Variants in SLC25A16 observed in about 807,000 individuals in gnomAD.
SLC25A16 encodes solute carrier family 25 member 16, also known as mitochondrial coenzyme A transporter SLC25A16.
SLC25A16 carries 39 observed loss-of-function variants against 41.5 expected under a neutral mutation model. The ratio of observed to expected loss-of-function variants is 0.94; its 90% CI spans 0.73 to 1.23. SLC25A16 has a LOEUF of 1.23. SLC25A16 is among the 50% of genes most tolerant of loss of function. The pLI, the probability that SLC25A16 is intolerant of heterozygous loss-of-function variation, is 0.00. For missense variants in SLC25A16, 421 were observed against 426.9 expected (o/e 0.99, Z 0.12); for synonymous variants, 146 against 147.8 (o/e 0.99, Z 0.09).
intron 1 of SLC25A16, among the ~76,000 whole-genome samples, chr10:68,522,814 CAAAAAAAAAAAAA>C (rs58143466): frequency 1.5e-5 from 1 of 65,468 alleles, no homozygotes; most frequent in Non-Finnish European, 2.8e-5. Flanking sequence ...GATTCCTTCT[CAAAAAAAAAAAAA>C]AAAAAAAAAA....
intron 1 of SLC25A16, among the ~76,000 whole-genome samples, chr10:68,525,293 G>T (rs760755916): frequency 1.3e-5 from 2 of 151,976 alleles, no homozygotes; most frequent in East Asian, 3.9e-4. Context: ...GTGCCACCAC[G>T]CCTGACAAAT....
intron 2 of SLC25A16, among the ~76,000 whole-genome samples, chr10:68,507,200 G>A (rs1296058386): frequency 6.7e-6 from 1 of 150,224 alleles, no homozygotes; most frequent in Non-Finnish European, 1.5e-5. Flanking sequence ...AGCCTCCCAA[G>A]TAGCTGGGAT....
At chr10:68,503,116 AT>A (rs967619993) in intron 4 of SLC25A16, 1 of 152,268 alleles carries the variant, frequency 6.6e-6, no homozygotes, top group Non-Finnish European at 1.5e-5. Flanking sequence ...ATTCGTTACA[AT>A]TTTTTTAAAG....
At chr10:68,510,158 TATAA>T (rs1239154342) in intron 2 of SLC25A16, among the ~76,000 whole-genome samples, 1 of 152,126 alleles carries the variant, frequency 6.6e-6, no homozygotes, top group Non-Finnish European at 1.5e-5. Context: ...TGACACTTTT[TATAA>T]AAAGTCGGAG....
intron 4 of SLC25A16, chr10:68,499,884 TC>T: frequency 1.8e-6 from 1 of 566,036 alleles, no homozygotes; most frequent in Non-Finnish European, 3.4e-6. Flanking sequence ...GCAAAAAGAT[TC>T]CTGAACAGAA....
intron 8 of SLC25A16, among the ~76,000 whole-genome samples, chr10:68,483,956 G>A (rs773240315): frequency 6.6e-6 from 1 of 152,056 alleles, no homozygotes; most frequent in Non-Finnish European, 1.5e-5. Flanking sequence ...AAGCCACCTC[G>A]CTCGGCCCAT....
At chr10:68,502,694 T>C (rs978314988) in intron 4 of SLC25A16, among the ~76,000 whole-genome samples, 1 of 136,944 alleles carries the variant, frequency 7.3e-6, no homozygotes, top group Non-Finnish European at 1.5e-5. Flanking sequence ...ATCACGCCAC[T>C]GCACTCCAAG....
Position 68,478,242 on chromosome 10 carries a change from A to G in SLC25A16, c.*5190T>C, listed in dbSNP as rs1208545924. 1 of 152,198 alleles carries G rather than the reference A, an allele frequency of 6.6e-6. No individual in the cohort carries two copies. Among genetic ancestry groups the G allele is most frequent in the African/African-American group, 2.4e-5 (1 of 41,458 alleles). 9.4% of individuals were successfully genotyped at this position (152,198 alleles called of 1,614,324 possible). On this transcript the variant is annotated 3_prime_UTR_variant, in exon 9 of 9. Coordinates refer to ENST00000609923, the MANE Select transcript of SLC25A16 (RefSeq NM_152707.4). ...AGAAATATTAAATGGTACTTATATC[A>G]TAGTATTGTAATGGAGATTGAGCTA...
rs1331453146 is a variant in SLC25A16 at position 68,492,807 on chromosome 10, A to G, written c.610+325T>C. Among the ~76,000 whole-genome samples, 4 of 151,914 alleles carry G rather than the reference A, an allele frequency of 2.6e-5. No individual in the cohort carries two copies. In the South Asian group the frequency reaches 8.6e-4, roughly 33 times the overall value. Reference sequence around the variant, plus strand: ...AAAATTTGCCATGTCTTCATTATTTATAATGAGACAAAAACCACTTTTCAA... The same window carrying G: ...AAAATTTGCCATGTCTTCATTATTTGTAATGAGACAAAAACCACTTTTCAA... On this transcript the variant is annotated intron_variant, in intron 6 of 8. Transcript: ENST00000609923.
chr10:68,511,090 T>C (rs1044309150), intron 2 of SLC25A16, among the ~76,000 whole-genome samples: 2 of 151,646 alleles, frequency 1.3e-5, no homozygotes, highest in East Asian at 3.9e-4. Flanking sequence ...TACTAAAAAT[T>C]AGCGGGGCTT....
chr10:68,509,548 C>A (rs757111296), intron 2 of SLC25A16, among the ~76,000 whole-genome samples: 1 of 151,692 alleles, frequency 6.6e-6, no homozygotes, highest in Non-Finnish European at 1.5e-5. Flanking sequence ...GACACCATCT[C>A]TACAAAAAAA....
intron 2 of SLC25A16, among the ~76,000 whole-genome samples, chr10:68,511,385 A>G (rs2053060608): frequency 6.6e-6 from 1 of 152,236 alleles, no homozygotes; most frequent in Non-Finnish European, 1.5e-5. Flanking sequence ...TCCAAATTTT[A>G]TATGCCTTGT....
At chr10:68,519,399 T>C (rs1167316522) in intron 1 of SLC25A16, among the ~76,000 whole-genome samples, 2 of 151,290 alleles carry the variant, frequency 1.3e-5, no homozygotes, top group African/African-American at 4.9e-5. Context: ...AGGCAGAGAA[T>C]TGCCTGAACC....
At chr10:68,503,833 C>T in intron 3 of SLC25A16, 138 bp from the exon 4 acceptor site, 2 of 644,464 alleles carry the variant, frequency 3.1e-6, no homozygotes, top group Non-Finnish European at 5.6e-6. Context: ...GAAATGAGCA[C>T]AATTAAATAC....
At chr10:68,507,159 G>A (rs1026992194) in intron 2 of SLC25A16, among the ~76,000 whole-genome samples, 2 of 137,332 alleles carry the variant, frequency 1.5e-5, no homozygotes, top group African/African-American at 5.5e-5. Flanking sequence ...TGCAACCTCC[G>A]CCTCCCAGGT....
intron 4 of SLC25A16, among the ~76,000 whole-genome samples, chr10:68,498,200 T>C (rs570783010): frequency 6.6e-6 from 1 of 152,294 alleles, no homozygotes; most frequent in African/African-American, 2.4e-5. Flanking sequence ...ATTCCAATTT[T>C]CAAAAATTCA....
At chr10:68,485,798 ATTT>A (rs574917604) in intron 8 of SLC25A16, among the ~76,000 whole-genome samples, 5 of 123,228 alleles carry the variant, frequency 4.1e-5, no homozygotes, top group Admixed American at 8.2e-5. Context: ...CCTAAGCAAT[ATTT>A]TTTTTTTTTT....
chr10:68,495,384 C>T (rs1252718461), intron 4 of SLC25A16, among the ~76,000 whole-genome samples: 2 of 152,032 alleles, frequency 1.3e-5, no homozygotes, highest in East Asian at 1.9e-4. Flanking sequence ...CACTGCACTC[C>T]AGCCTGGGTG....
In SLC25A16 at chr10:68,488,449, G is replaced by A. The variant is rs1164618304; in HGVS notation, c.773+18C>T. On this transcript the variant is annotated intron_variant, in intron 7 of 8. Transcript: ENST00000609923. Reference sequence around the variant, plus strand: ...GGTAACTATAATTTGATTAAATTAAGTTAGTGAAGAAACTTACGATATTGT... The same window carrying A: ...GGTAACTATAATTTGATTAAATTAAATTAGTGAAGAAACTTACGATATTGT... 6.8e-7 allele frequency: 1 copy of A among 1,463,552 alleles called. No individual in the cohort carries two copies. Among genetic ancestry groups the A allele is most frequent in the Non-Finnish European group, 9.1e-7 (1 of 1,103,958 alleles). 90.7% of individuals were successfully genotyped at this position (1,463,552 alleles called of 1,614,324 possible).
Sources: allele counts gnomAD v4.1 joint callset (sites outside exome capture counted in the v4.1 genomes callset), GRCh38; gene constraint gnomAD v4.1.1; transcripts MANE v1.5; gene names NCBI Gene and HGNC (gene_info 2026-07-23, HGNC 2026-07-21).